The following ERC1 variants were observed in gnomAD, a reference collection of about 807,000 sequenced individuals.
ERC1 encodes the protein RAB6 interacting protein 2.
Under a neutral mutation model 132.0 loss-of-function variants are expected in ERC1, and 56 were observed. That is an observed-to-expected ratio of 0.42 (90% CI 0.34 to 0.53). The LOEUF (loss-of-function observed/expected upper bound fraction) is 0.53, where lower values mean the gene tolerates loss of function less well. ERC1 is among the 20% of genes least tolerant of loss of function. The pLI is 0.03. For missense variants in ERC1, 1,202 were observed against 1,349.9 expected (o/e 0.89, Z 1.72); for synonymous variants, 478 against 476.1 (o/e 1.00, Z -0.05).
At chr12:1,272,052 T>G (rs907762447) in intron 14 of ERC1, among the ~76,000 whole-genome samples, 4 of 152,176 alleles carry the variant, frequency 2.6e-5, no homozygotes, top group African/African-American at 9.7e-5. Context: ...GCGAAGAAGG[T>G]GGACTCTGGA....
At chr12:1,070,306 T>C in intron 2 of ERC1, among the ~76,000 whole-genome samples, 1 of 141,088 alleles carries the variant, frequency 7.1e-6, no homozygotes, top group Non-Finnish European at 1.6e-5. Context: ...TTTTTTCTTT[T>C]CTTTTTTTTT....
At chr12:1,229,249 C>T (rs190589408) in intron 12 of ERC1, among the ~76,000 whole-genome samples, 3 of 152,122 alleles carry the variant, frequency 2.0e-5, no homozygotes, top group African/African-American at 7.2e-5. Flanking sequence ...AGTGTGTAAT[C>T]CCAGCATTTT....
chr12:1,256,990 G>C (rs1385912580), intron 13 of ERC1: 1 of 150,550 alleles, frequency 6.6e-6, no homozygotes, highest in African/African-American at 2.5e-5. Flanking sequence ...TTACCTCCTG[G>C]CGTTCATGCC....
At chr12:1,012,623 T>C (rs920532613) in intron 1 of ERC1, among the ~76,000 whole-genome samples, 1 of 151,790 alleles carries the variant, frequency 6.6e-6, no homozygotes, top group Non-Finnish European at 1.5e-5. Flanking sequence ...CAGGCCCAGC[T>C]AATTGTATTT....
chr12:1,133,145 A>G (rs1314345518), intron 7 of ERC1, among the ~76,000 whole-genome samples: 4 of 120,986 alleles, frequency 3.3e-5, no homozygotes, highest in Non-Finnish European at 7.0e-5. Flanking sequence ...GGTGTGAGCC[A>G]CCACACCTGG....
intron 18 of ERC1, among the ~76,000 whole-genome samples, chr12:1,483,558 T>TATATATTTTG (rs1305769183): frequency 1.3e-5 from 2 of 152,108 alleles, no homozygotes; most frequent in Non-Finnish European, 1.5e-5. Flanking sequence ...GTATTTATGT[T>TATATATTTTG]ATATATTTTG....
Position 1,007,540 on chromosome 12 carries a change from C to CTCTCTCTCTCTCTGTGTGTGTG in ERC1, c.-157+16219_-157+16220insCTCTCTCTCTCTGTGTGTGTGT, listed in dbSNP as rs1555194875. Among the ~76,000 whole-genome samples the CTCTCTCTCTCTCTGTGTGTGTG allele has an allele frequency of 1.6e-3, 196 of 122,758 alleles. 2 individuals are homozygous for CTCTCTCTCTCTCTGTGTGTGTG. Among genetic ancestry groups the CTCTCTCTCTCTCTGTGTGTGTG allele is most frequent in the African/African-American group, 4.2e-3 (111 of 26,506 alleles). 80.5% of individuals were successfully genotyped at this position (122,758 alleles called of 152,430 possible). On this transcript the variant is annotated intron_variant, in intron 1 of 18. Transcript: ENST00000360905. ...ATTCTCTCTCTCTCTCTCTCTCTCT[C>CTCTCTCTCTCTCTGTGTGTGTG]TGTGTGTGTGTGTGTGTGTGTGTGT...
chr12:1,191,592 A>G (rs932128961), intron 12 of ERC1, among the ~76,000 whole-genome samples: 1 of 152,146 alleles, frequency 6.6e-6, no homozygotes, highest in Non-Finnish European at 1.5e-5. Flanking sequence ...TGTCACCAAT[A>G]TTGATTTTGG....
chr12:1,238,927 T>G (rs1016411873), intron 13 of ERC1, among the ~76,000 whole-genome samples: 4 of 152,328 alleles, frequency 2.6e-5, no homozygotes, highest in African/African-American at 9.6e-5. Flanking sequence ...CCAAGGTGTC[T>G]AAGTAAATGA....
At chr12:1,299,763 A>G (rs1222748245) in intron 15 of ERC1, among the ~76,000 whole-genome samples, 2 of 152,222 alleles carry the variant, frequency 1.3e-5, no homozygotes, top group Non-Finnish European at 2.9e-5. Flanking sequence ...CAAGGGAAAC[A>G]GGAAGGCACA....
In ERC1 at chr12:1,050,091, T is replaced by G. The variant is rs115341321; in HGVS notation, c.669+21519T>G. Among the ~76,000 whole-genome samples, 448 of 151,998 alleles carry G rather than the reference T, an allele frequency of 2.9e-3. 5 individuals are homozygous for G. The highest frequency in any genetic ancestry group is 0.011 in the African/African-American group (441 of 41,482). ...TTCAGAGGGTAGCTGGAAAAGCAAA[T>G]GGATGTGGGACAAGAGGTTGTTCCA... On this transcript the variant is annotated intron_variant, in intron 2 of 18. Coordinates refer to ENST00000360905, the MANE Select transcript of ERC1 (RefSeq NM_178040.4).
chr12:1,083,167 A>G lies in ERC1; in HGVS notation c.673A>G (p.Met225Val), dbSNP rs1222040606. The G allele has an allele frequency of 1.2e-6, 2 of 1,611,312 alleles. No homozygotes were observed. The highest frequency in any genetic ancestry group is 1.7e-6 in the Non-Finnish European group (2 of 1,179,034). Residue 225 changes from methionine to valine, a missense_variant, in exon 3 of 19, where the codon ATG (methionine) becomes GTG (valine). Coordinates refer to ENST00000360905, the MANE Select transcript of ERC1 (RefSeq NM_178040.4). The part of the protein sequence containing the change: ...YRVVQEENQH[M>V]QMTIQALQDE... The stretch of plus-strand genomic sequence containing the variant: ...TTTCTTTTTGTCTTGGTTCTAGCAC[A>G]TGCAGATGACAATCCAGGCTCTCCA...
At chr12:1,266,035 A>G (rs1023003041) in intron 14 of ERC1, among the ~76,000 whole-genome samples, 1 of 152,124 alleles carries the variant, frequency 6.6e-6, no homozygotes, top group African/African-American at 2.4e-5. Flanking sequence ...TTTGGTGTGG[A>G]TATAAGTTTT....
At chr12:1,488,257 C>T (rs188154453) in intron 18 of ERC1, among the ~76,000 whole-genome samples, 1 of 152,052 alleles carries the variant, frequency 6.6e-6, no homozygotes, top group East Asian at 1.9e-4. Context: ...GCTGGGATTA[C>T]AGGCATGCAC....
chr12:1,028,185 T>C lies in ERC1; in HGVS notation c.282T>C (p.Ser94=). The C allele has an allele frequency of 1.9e-6, 3 of 1,614,212 alleles. No individual in the cohort carries two copies. The highest frequency in any genetic ancestry group is 2.5e-6 in the Non-Finnish European group (3 of 1,180,032). Residue 94 remains serine, a synonymous_variant, in exon 2 of 19, where the codon TCT becomes TCC. Transcript: ENST00000360905. ...TPKSTMTLGR[S]GGRLPYGVRM... Reference sequence around the variant, plus strand: ...AAAGCACCATGACACTTGGCCGTTCTGGGGGACGTCTGCCTTACGGTGTTC... The same window carrying C: ...AAAGCACCATGACACTTGGCCGTTCCGGGGGACGTCTGCCTTACGGTGTTC...
intron 13 of ERC1, among the ~76,000 whole-genome samples, chr12:1,245,126 C>T (rs2076081049): frequency 6.6e-6 from 1 of 152,236 alleles, no homozygotes; most frequent in East Asian, 1.9e-4. Context: ...TTAAAGTATG[C>T]ACATGCACAT....
chr12:1,402,163 T>C (rs111748883), intron 16 of ERC1, among the ~76,000 whole-genome samples: 1 of 152,346 alleles, frequency 6.6e-6, no homozygotes, highest in African/African-American at 2.4e-5. Context: ...AAAAACACTT[T>C]ATATCAAAAT....
intron 2 of ERC1, among the ~76,000 whole-genome samples, chr12:1,042,338 GTTT>G (rs776086251): frequency 3.3e-5 from 4 of 121,002 alleles, no homozygotes; most frequent in Non-Finnish European, 6.6e-5. Context: ...CGCCCGGCCT[GTTT>G]TTTTTTTTTT....
intron 7 of ERC1, among the ~76,000 whole-genome samples, chr12:1,117,599 T>G (rs1946587044): frequency 6.6e-6 from 1 of 152,242 alleles, no homozygotes. Flanking sequence ...CGTATTCAAC[T>G]TCCTTACACT....
Sources: allele counts gnomAD v4.1 joint callset (sites outside exome capture counted in the v4.1 genomes callset), GRCh38; gene constraint gnomAD v4.1.1; transcripts MANE v1.5; gene names NCBI Gene and HGNC (gene_info 2026-07-23, HGNC 2026-07-21).